The following CCNB1IP1 variants were observed in gnomAD, a reference collection of about 807,000 sequenced individuals.
The protein encoded by CCNB1IP1 is cyclin B1 interacting protein 1.
In CCNB1IP1, 14 loss-of-function variants were observed where a neutral mutation model predicts 25.6. The ratio of observed to expected loss-of-function variants is 0.55; its 90% confidence interval spans 0.36 to 0.85. The LOEUF (loss-of-function observed/expected upper bound fraction) is 0.85, where lower values mean the gene tolerates loss of function less well. Among genes scored for constraint, CCNB1IP1 ranks in the 40% least tolerant of loss-of-function variants. The probability of loss-of-function intolerance (pLI) is 0.01; values close to 1 mark genes in which losing one functional copy is unlikely to be tolerated. For missense variants in CCNB1IP1, 278 were observed against 342.4 expected (o/e 0.81, Z 1.48); for synonymous variants, 119 against 116.1 (o/e 1.02, Z -0.16).
chr14:20,328,033 C>T (rs1395068082), intron 2 of CCNB1IP1, among the ~76,000 whole-genome samples: 3 of 152,188 alleles, frequency 2.0e-5, no homozygotes, highest in African/African-American at 7.2e-5. Context: ...CATTGGACAT[C>T]AGTGCCTTTA....
intron 1 of CCNB1IP1, among the ~76,000 whole-genome samples, chr14:20,331,094 G>A (rs1016345994): frequency 1.8e-4 from 28 of 152,066 alleles, no homozygotes; most frequent in African/African-American, 5.8e-4. Flanking sequence ...AATTCCCAAA[G>A]GCTTCCTTTT....
intron 4 of CCNB1IP1, among the ~76,000 whole-genome samples, chr14:20,321,242 G>T (rs1566402583): frequency 6.6e-6 from 1 of 152,112 alleles, no homozygotes; most frequent in African/African-American, 2.4e-5. Flanking sequence ...TAGTAGTTGT[G>T]CTATATTTGA....
intron 4 of CCNB1IP1, among the ~76,000 whole-genome samples, chr14:20,321,515 C>A (rs916260188): frequency 6.6e-6 from 1 of 151,802 alleles, no homozygotes; most frequent in Admixed American, 6.6e-5. Context: ...TGCAGTGGCA[C>A]GATCTCAGCT....
At chr14:20,315,564 A>G (rs1487240926) in intron 5 of CCNB1IP1, 1 of 1,268,810 alleles carries the variant, frequency 7.9e-7, no homozygotes, top group African/African-American at 1.5e-5. Context: ...AGATATAACA[A>G]TACATTCAAG....
intron 4 of CCNB1IP1, among the ~76,000 whole-genome samples, chr14:20,325,306 A>G (rs886260384): frequency 1.3e-5 from 2 of 150,910 alleles, no homozygotes; most frequent in African/African-American, 2.4e-5. Flanking sequence ...CTGTAGTCCC[A>G]GCTACTTGGG....
rs28686841 is a variant in CCNB1IP1 at position 20,320,273 on chromosome 14, G to A, written c.-37-3713C>T. ...TAATTCATTCTTCCCAACATAAAGA[G>A]TCTGAATAACTTACAATAAGAGTTG... On this transcript the variant is annotated intron_variant, in intron 4 of 6. Coordinates refer to ENST00000358932, the MANE Select transcript of CCNB1IP1 (RefSeq NM_021178.5). The A allele has an allele frequency of 6.3e-3, 2,870 of 454,204 alleles. 82 individuals carry two copies. Among genetic ancestry groups the A allele is most frequent in the African/African-American group, 0.053 (2,660 of 50,068 alleles). The allele number at this position is 454,204 out of a possible 1,614,324, so 28.1% of individuals were successfully genotyped here.
At chr14:20,321,385 T>C (rs1882889983) in intron 4 of CCNB1IP1, among the ~76,000 whole-genome samples, 1 of 152,250 alleles carries the variant, frequency 6.6e-6, no homozygotes, top group South Asian at 2.1e-4. Flanking sequence ...TTTAACTCAG[T>C]TGTTTACTGT....
At chr14:20,316,651 A>G (rs1882708719) in intron 4 of CCNB1IP1, 91 bp from the exon 5 acceptor site, 1 of 643,200 alleles carries the variant, frequency 1.6e-6, no homozygotes, top group South Asian at 2.1e-5. Context: ...TTTTATCATA[A>G]AATACTGCAC....
intron 3 of CCNB1IP1, among the ~76,000 whole-genome samples, chr14:20,326,003 CTG>C (rs1167343903): frequency 2.6e-5 from 4 of 152,036 alleles, no homozygotes; most frequent in Admixed American, 2.0e-4. Flanking sequence ...TCTATATAAT[CTG>C]TTTTTCATGT....
chr14:20,316,908 A>G (rs1018590962), intron 4 of CCNB1IP1, among the ~76,000 whole-genome samples: 1 of 152,204 alleles, frequency 6.6e-6, no homozygotes, highest in Admixed American at 6.5e-5. Flanking sequence ...CAGGAGTTCC[A>G]GACCAGCCTG....
chr14:20,322,605 T>TTATATA (rs367735197), intron 4 of CCNB1IP1, among the ~76,000 whole-genome samples: 2 of 147,736 alleles, frequency 1.4e-5, no homozygotes, highest in African/African-American at 5.1e-5. Context: ...AAGAAAAGTT[T>TTATATA]TATATATATA....
chr14:20,313,833 A>AT, intron 5 of CCNB1IP1, 32 bp from the exon 6 acceptor site: 1 of 1,465,516 alleles, frequency 6.8e-7, no homozygotes, highest in Non-Finnish European at 9.2e-7. Flanking sequence ...TTTTTAAGGT[A>AT]TTGGGTACAA....
intron 5 of CCNB1IP1, among the ~76,000 whole-genome samples, chr14:20,314,910 T>C (rs1225810280): frequency 2.0e-5 from 3 of 150,572 alleles, no homozygotes; most frequent in Admixed American, 2.0e-4. Flanking sequence ...GCTAACACGG[T>C]GAAACCCCGC....
intron 6 of CCNB1IP1, among the ~76,000 whole-genome samples, 169 bp downstream of exon 6, chr14:20,313,299 G>C (rs149175194): frequency 1.3e-5 from 2 of 152,156 alleles, no homozygotes; most frequent in Non-Finnish European, 2.9e-5. Flanking sequence ...AAATACAATA[G>C]ATAAAAGCAA....
chr14:20,315,939 T>C, intron 5 of CCNB1IP1: 1 of 441,248 alleles, frequency 2.3e-6, no homozygotes, highest in Non-Finnish European at 4.1e-6. Flanking sequence ...TAAAAGTGTG[T>C]GTGTTATCTT....
Position 20,322,500 on chromosome 14 carries a change from C to A in CCNB1IP1, c.-38+3039G>T, listed in dbSNP as rs184389089. Among the ~76,000 whole-genome samples the A allele has an allele frequency of 2.3e-3, 352 of 152,056 alleles. 6 individuals carry two copies. The highest frequency in any genetic ancestry group is 2.4e-4 in the Non-Finnish European group (16 of 67,978). On this transcript the variant is annotated intron_variant, in intron 4 of 6. Transcript: ENST00000358932. ...AAATATTATTTTATTCTTTCCTTTG[C>A]CACCTCTTACATTTTTGCAAATTGA...
At chr14:20,315,468 T>G in intron 5 of CCNB1IP1, 1 of 1,113,470 alleles carries the variant, frequency 9.0e-7, no homozygotes, top group Non-Finnish European at 1.1e-6. Context: ...GAGGAGCATG[T>G]AAGAGAAACA....
chr14:20,313,320 G>A (rs914719645), intron 6 of CCNB1IP1, 148 bp downstream of exon 6: 1 of 549,672 alleles, frequency 1.8e-6, no homozygotes, highest in Non-Finnish European at 3.1e-6. Flanking sequence ...TGATGTACAG[G>A]TTGAAACATG....
intron 4 of CCNB1IP1, among the ~76,000 whole-genome samples, chr14:20,320,089 T>A (rs150061738): frequency 4.3e-4 from 66 of 152,370 alleles, no homozygotes; most frequent in African/African-American, 1.6e-3. Flanking sequence ...CTTTCTTGAT[T>A]TATATGGAGT....
Sources: allele counts gnomAD v4.1 joint callset (sites outside exome capture counted in the v4.1 genomes callset), GRCh38; gene constraint gnomAD v4.1.1; transcripts MANE v1.5; gene names NCBI Gene and HGNC (gene_info 2026-07-23, HGNC 2026-07-21).